The following CEP63 variants were observed in gnomAD, a reference collection of about 807,000 sequenced individuals.
CEP63 encodes centrosomal protein 63.
In CEP63, 84 loss-of-function variants were observed where a neutral mutation model predicts 89.1. The observed-to-expected ratio is 0.94, with a 90% CI of 0.79 to 1.13. The LOEUF is 1.13. CEP63 is among the 50% of genes most tolerant of loss of function. The pLI is 0.00. For missense variants in CEP63, 838 were observed against 813.3 expected (o/e 1.03, Z -0.37); for synonymous variants, 267 against 272.5 (o/e 0.98, Z 0.20).
At chr3:134,753,647 T>C in the CEP63 span, among the ~76,000 whole-genome samples, 2 of 152,234 alleles carry the variant, frequency 1.3e-5, no homozygotes, top group Non-Finnish European at 2.9e-5. Context: ...CACATTCCAA[T>C]GGTCAGGCAC....
At chr3:134,607,408 G>C in the CEP63 span, 5 of 985,520 alleles carry the variant, frequency 5.1e-6, no homozygotes, top group East Asian at 2.3e-4. Context: ...CTCCCCAGGG[G>C]CTCTGGGCCC....
the CEP63 span, among the ~76,000 whole-genome samples, chr3:134,611,055 C>G: frequency 6.6e-6 from 1 of 152,204 alleles, no homozygotes; most frequent in Non-Finnish European, 1.5e-5. Flanking sequence ...TGGGTCTGTC[C>G]TTTGTGAACA....
the CEP63 span, among the ~76,000 whole-genome samples, chr3:134,649,814 A>G: frequency 6.6e-6 from 1 of 152,234 alleles, no homozygotes; most frequent in Non-Finnish European, 1.5e-5. Flanking sequence ...TGGAAGGTGG[A>G]TGTTCAATGA....
the CEP63 span, among the ~76,000 whole-genome samples, chr3:134,738,966 T>TAATA: frequency 6.8e-6 from 1 of 146,614 alleles, no homozygotes; most frequent in South Asian, 2.2e-4. Context: ...ATGGCTATAA[T>TAATA]AAAAAAAAAA....
At chr3:134,735,596 G>A in the CEP63 span, among the ~76,000 whole-genome samples, 1 of 152,086 alleles carries the variant, frequency 6.6e-6, no homozygotes, top group African/African-American at 2.4e-5. Context: ...ACTTCAGCTG[G>A]GAGTGTGTGT....
chr3:134,740,051 G>A, the CEP63 span, among the ~76,000 whole-genome samples: 1 of 152,064 alleles, frequency 6.6e-6, no homozygotes, highest in Non-Finnish European at 1.5e-5. Context: ...GCAGATTGCT[G>A]TCTCCTGGGC....
chr3:134,722,774 T>C, the CEP63 span, among the ~76,000 whole-genome samples: 1 of 152,204 alleles, frequency 6.6e-6, no homozygotes, highest in African/African-American at 2.4e-5. Context: ...TTTAGGCCCA[T>C]ATATTCAGCC....
the CEP63 span, among the ~76,000 whole-genome samples, chr3:134,730,054 C>T: frequency 6.6e-6 from 1 of 152,148 alleles, no homozygotes; most frequent in Admixed American, 6.5e-5. Flanking sequence ...CAGGGACTTG[C>T]AAGGAAGAGC....
chr3:134,615,370 T>TTC, the CEP63 span: 1 of 149,740 alleles, frequency 6.7e-6, no homozygotes, highest in Non-Finnish European at 1.5e-5. Flanking sequence ...TTTTTTTTTT[T>TTC]CACGTGTGAA....
the CEP63 span, among the ~76,000 whole-genome samples, chr3:134,742,118 A>C: frequency 6.6e-6 from 1 of 152,086 alleles, no homozygotes; most frequent in Non-Finnish European, 1.5e-5. Flanking sequence ...ATGTCCTTCA[A>C]CTTTCATCCT....
chr3:134,534,625 A>G (rs1450722728), intron 5 of CEP63, among the ~76,000 whole-genome samples: 1 of 152,108 alleles, frequency 6.6e-6, no homozygotes, highest in Non-Finnish European at 1.5e-5. Flanking sequence ...TTTGCTTGGC[A>G]GAATCACAGT....
chr3:134,700,635 C>G, the CEP63 span, among the ~76,000 whole-genome samples: 1 of 152,152 alleles, frequency 6.6e-6, no homozygotes, highest in South Asian at 2.1e-4. Context: ...CCTCCTCCAT[C>G]ACACAGACAT....
chr3:134,777,837 G>A, the CEP63 span, among the ~76,000 whole-genome samples: 1 of 150,902 alleles, frequency 6.6e-6, no homozygotes, highest in African/African-American at 2.4e-5. Flanking sequence ...GGCTGGTCTC[G>A]AACTCTTGAC....
chr3:134,731,434 A>C, the CEP63 span, among the ~76,000 whole-genome samples: 1 of 152,212 alleles, frequency 6.6e-6, no homozygotes, highest in African/African-American at 2.4e-5. Context: ...CAATGCAATA[A>C]AATGAGAAAT....
At chr3:134,738,713 C>T in the CEP63 span, among the ~76,000 whole-genome samples, 2 of 152,040 alleles carry the variant, frequency 1.3e-5, no homozygotes, top group Non-Finnish European at 2.9e-5. Context: ...CAAATTACCA[C>T]TAAAGAACTT....
intron 3 of CEP63, among the ~76,000 whole-genome samples, chr3:134,511,984 G>A (rs1392899508): frequency 2.0e-5 from 3 of 152,212 alleles, no homozygotes; most frequent in African/African-American, 7.2e-5. Context: ...ACAGGTCCAT[G>A]ATGAGATTAA....
intron 3 of CEP63, among the ~76,000 whole-genome samples, chr3:134,518,698 T>G (rs569186734): frequency 6.6e-6 from 1 of 152,118 alleles, no homozygotes; most frequent in Admixed American, 6.5e-5. Context: ...ACAGCTAAAA[T>G]TATATATATT....
At chr3:134,616,139 C>A in the CEP63 span, among the ~76,000 whole-genome samples, 1 of 152,098 alleles carries the variant, frequency 6.6e-6, no homozygotes, top group African/African-American at 2.4e-5. Context: ...ATGCAGGCAA[C>A]TGAGGCAAAA....
At chr3:134,599,598 G>A in the CEP63 span, among the ~76,000 whole-genome samples, 1 of 152,152 alleles carries the variant, frequency 6.6e-6, no homozygotes, top group Non-Finnish European at 1.5e-5. Context: ...GGCATTTTTG[G>A]TAATTTTTTT....
Sources: gnomAD v4.1 joint callset for allele counts (sites outside exome capture counted in the v4.1 genomes callset) on GRCh38, gnomAD v4.1.1 for gene constraint, MANE v1.5 for transcripts, NCBI Gene and HGNC (gene_info 2026-07-23, HGNC 2026-07-21) for gene names.